The following SPPL2A variants were observed in gnomAD, a reference collection of about 807,000 sequenced individuals.
SPPL2A encodes the protein signal peptide peptidase like 2A, also known as signal peptide peptidase-like 2A.
Under a neutral mutation model 63.8 loss-of-function variants are expected in SPPL2A, and 51 were observed. The ratio of observed to expected loss-of-function variants is 0.80; its 90% CI spans 0.64 to 1.01. SPPL2A has a LOEUF of 1.01. Ranked by LOEUF, SPPL2A falls within the 50% of genes least tolerant of loss-of-function variation. The pLI is 0.00. For synonymous variants in SPPL2A, 188 were observed against 205.8 expected (o/e 0.91, Z 0.74); for missense variants, 553 against 622.7 (o/e 0.89, Z 1.19).
chr15:50,725,228 A>G lies in SPPL2A; in HGVS notation c.1242T>C (p.Ile414=). ...PVSILGFGDI[I]VPGLLIAYCR... is the part of the protein sequence containing the mutation. The stretch of plus-strand genomic sequence containing the variant: ...ATTGTTACAATTGCTTACCTGGTAC[A>G]ATAATGTCTCCAAAACCCAATATTG... The change falls in exon 12 of 15, where the codon ATT becomes ATC. Residue 414 remains isoleucine, a synonymous_variant. Transcript: ENST00000261854. 6.4e-7 allele frequency: 1 copy of G among 1,559,630 alleles called. No homozygotes were observed. Among genetic ancestry groups the G allele is most frequent in the Admixed American group, 1.8e-5 (1 of 55,934 alleles).
At chr15:50,738,752 A>G (rs375195523) in intron 6 of SPPL2A, among the ~76,000 whole-genome samples, 7 of 152,142 alleles carry the variant, frequency 4.6e-5, no homozygotes, top group East Asian at 1.9e-4. Flanking sequence ...GCAAATTTCC[A>G]TTCTATTAAG....
intron 1 of SPPL2A, among the ~76,000 whole-genome samples, chr15:50,763,875 G>A (rs2063034679): frequency 6.6e-6 from 1 of 152,162 alleles, no homozygotes; most frequent in Non-Finnish European, 1.5e-5. Context: ...TCCAGCCTGG[G>A]CGACAGAGTG....
chr15:50,759,223 C>G (rs764219480), intron 1 of SPPL2A, among the ~76,000 whole-genome samples: 6 of 151,998 alleles, frequency 3.9e-5, no homozygotes, highest in African/African-American at 1.4e-4. Context: ...TATTTTTAAG[C>G]CTTTTCTTAT....
At chr15:50,750,578 A>G (rs1358217737) in intron 1 of SPPL2A, among the ~76,000 whole-genome samples, 1 of 152,212 alleles carries the variant, frequency 6.6e-6, no homozygotes, top group African/African-American at 2.4e-5. Flanking sequence ...CCTATTCAAA[A>G]AGACCAATCC....
chr15:50,732,680 C>A lies in SPPL2A; in HGVS notation c.937G>T (p.Ala313Ser), dbSNP rs750920397. 6 of 1,604,242 alleles carry A rather than the reference C, an allele frequency of 3.7e-6. No homozygotes were observed. Among genetic ancestry groups the A allele is most frequent in the African/African-American group, 1.3e-5 (1 of 74,656 alleles). The change falls in exon 9 of 15, where the codon GCT (alanine) becomes TCT (serine). Residue 313 changes from alanine to serine, a missense_variant. Transcript: ENST00000261854. ...WAVFRNEDRW[A>S]WILQDILGIA... ...CCCAAGATATCCTGTAAAATCCAAG[C>A]CCACCTAAAATCAAAAAATATTACT...
intron 13 of SPPL2A, among the ~76,000 whole-genome samples, chr15:50,721,359 T>G (rs751855059): frequency 6.6e-6 from 1 of 152,028 alleles, no homozygotes; most frequent in Non-Finnish European, 1.5e-5. Context: ...CTGAGACTGC[T>G]TTTTGAATTT....
intron 5 of SPPL2A, 94 bp downstream of exon 5, chr15:50,747,401 G>T: frequency 1.9e-6 from 2 of 1,028,930 alleles, no homozygotes; most frequent in Non-Finnish European, 3.0e-6. Flanking sequence ...ATATTCTGAG[G>T]GCAGATAAAT....
At chr15:50,722,249 G>A in intron 12 of SPPL2A, 48 bp from the exon 13 acceptor site, 1 of 1,056,996 alleles carries the variant, frequency 9.5e-7, no homozygotes. Flanking sequence ...TAACAGCAAT[G>A]CAAATTCAAT....
At chr15:50,755,358 T>C (rs8034533) in intron 1 of SPPL2A, among the ~76,000 whole-genome samples, 150,487 of 151,632 alleles carry the variant, frequency 0.99, 74,688 homozygotes, top group Middle Eastern at 1. Context: ...CGGTGGCTCA[T>C]GCCTGCAATC....
At chr15:50,757,989 T>TAAAAAA (rs71210386) in intron 1 of SPPL2A, among the ~76,000 whole-genome samples, 2 of 61,328 alleles carry the variant, frequency 3.3e-5, no homozygotes, top group Non-Finnish European at 6.7e-5. Context: ...GTCTCAATTA[T>TAAAAAA]AAAAAAAAAA....
chr15:50,735,273 CATGTGGTATATGGCTTACTT>C (rs1304832611), intron 8 of SPPL2A, among the ~76,000 whole-genome samples: 5 of 152,122 alleles, frequency 3.3e-5, no homozygotes, highest in Admixed American at 2.0e-4. Context: ...CACGCCTCTG[CATGTGGTATATGGCTTACTT>C]ATTGGTGAAC....
At position 50,705,357 on chromosome 15, in the gene SPPL2A, A is replaced by T. The variant is rs899260163; in HGVS notation, c.*2443T>A. 2 of 151,996 alleles carry T rather than the reference A, an allele frequency of 1.3e-5. No individual in the cohort carries two copies. The highest frequency in any genetic ancestry group is 2.9e-5 in the Non-Finnish European group (2 of 68,008). 9.4% of individuals were successfully genotyped at this position (151,996 alleles called of 1,614,324 possible). On this transcript the variant is annotated 3_prime_UTR_variant, in exon 15 of 15. Coordinates refer to ENST00000261854, the MANE Select transcript of SPPL2A (RefSeq NM_032802.4). ...TCCATTTCCAAAAAAAAAAAAAAGAAATTAATTATCTCATTTCGATGTAGT... is the reference window on the plus strand; with the variant it reads ...TCCATTTCCAAAAAAAAAAAAAAGATATTAATTATCTCATTTCGATGTAGT...
intron 8 of SPPL2A, 54 bp downstream of exon 8, chr15:50,736,047 A>C (rs2062768705): frequency 5.2e-6 from 6 of 1,156,764 alleles, no homozygotes; most frequent in South Asian, 1.3e-5. Context: ...TATCAGGGCA[A>C]GATAGGAAAC....
Position 50,726,355 on chromosome 15 carries a change from T to A in SPPL2A, c.1112A>T (p.Glu371Val), listed in dbSNP as rs929088896. 1.9e-6 allele frequency: 3 copies of A among 1,614,036 alleles called. No homozygotes were observed. The highest frequency in any genetic ancestry group is 2.5e-6 in the Non-Finnish European group (3 of 1,179,902). ...ATTTCCAAAAGGTCCAGCTGCGAGTTCAACCATGATACTCTCACCATTCTA... is the reference window on the plus strand; with the variant it reads ...ATTTCCAAAAGGTCCAGCTGCGAGTACAACCATGATACTCTCACCATTCTA... ...ITKNGESIMV[E>V]LAAGPFGNNE... Residue 371 changes from glutamate (E) to valine (V), a missense_variant, in exon 11 of 15, where the codon GAA (glutamate) becomes GTA (valine). By Grantham distance (121) the Glu-to-Val change is moderately radical (BLOSUM62 -2). Coordinates refer to ENST00000261854, the MANE Select transcript of SPPL2A (RefSeq NM_032802.4).
chr15:50,753,554 A>G (rs2062927739), intron 1 of SPPL2A, among the ~76,000 whole-genome samples: 1 of 152,210 alleles, frequency 6.6e-6, no homozygotes, highest in South Asian at 2.1e-4. Flanking sequence ...TTAAGTTTCA[A>G]TATCCTCAGC....
At chr15:50,717,629 C>G (rs1196553512) in intron 14 of SPPL2A, among the ~76,000 whole-genome samples, 1 of 152,134 alleles carries the variant, frequency 6.6e-6, no homozygotes, top group East Asian at 1.9e-4. Flanking sequence ...CTCTTGCTTC[C>G]TTCTCCAGCT....
chr15:50,715,965 A>G (rs1303547970), intron 14 of SPPL2A, among the ~76,000 whole-genome samples: 1 of 152,130 alleles, frequency 6.6e-6, no homozygotes, highest in Admixed American at 6.6e-5. Context: ...TTATATAGCC[A>G]TTAAAATAAT....
At chr15:50,746,436 C>CAAAA (rs71127139) in intron 5 of SPPL2A, among the ~76,000 whole-genome samples, 4 of 87,048 alleles carry the variant, frequency 4.6e-5, no homozygotes, top group Non-Finnish European at 9.3e-5. Flanking sequence ...GACTCTGTAT[C>CAAAA]AAAAAAAAAA....
At chr15:50,750,418 C>T (rs1465943102) in intron 1 of SPPL2A, among the ~76,000 whole-genome samples, 1 of 152,118 alleles carries the variant, frequency 6.6e-6, no homozygotes, top group African/African-American at 2.4e-5. Context: ...ACTCAAAATC[C>T]ATCAATCTGT....
Sources: allele counts gnomAD v4.1 joint callset (sites outside exome capture counted in the v4.1 genomes callset), GRCh38; gene constraint gnomAD v4.1.1; transcripts MANE v1.5; gene names NCBI Gene and HGNC (gene_info 2026-07-23, HGNC 2026-07-21).